Variants in PDE4D observed in about 807,000 individuals in gnomAD.
PDE4D encodes phosphodiesterase 4D, also known as 3',5'-cyclic-AMP phosphodiesterase 4D.
PDE4D carries 24 observed loss-of-function variants against 87.4 expected under a neutral mutation model. The ratio of observed to expected loss-of-function variants is 0.27; its 90% CI spans 0.20 to 0.39. PDE4D has a LOEUF of 0.39. Among genes scored for constraint, PDE4D ranks in the 10% least tolerant of loss-of-function variants. The pLI is 1.00. For synonymous variants in PDE4D, 384 were observed against 383.2 expected (o/e 1.00, Z -0.02); for missense variants, 714 against 1,041.0 (o/e 0.69, Z 4.32).
At chr5:60,191,178 T>C (rs762433134) in intron 1 of PDE4D, among the ~76,000 whole-genome samples, 11 of 152,206 alleles carry the variant, frequency 7.2e-5, no homozygotes, top group Non-Finnish European at 1.3e-4. Flanking sequence ...ACAAAAAGTA[T>C]GTTGTACCAC....
At chr5:60,297,913 A>G (rs1194282884) in intron 1 of PDE4D, among the ~76,000 whole-genome samples, 1 of 152,190 alleles carries the variant, frequency 6.6e-6, no homozygotes, top group Non-Finnish European at 1.5e-5. Flanking sequence ...TAGAAGACTC[A>G]TGTTTATGGA....
At chr5:59,899,483 A>T (rs1001358482) in intron 3 of PDE4D, among the ~76,000 whole-genome samples, 4 of 150,472 alleles carry the variant, frequency 2.7e-5, no homozygotes, top group African/African-American at 9.7e-5. Flanking sequence ...TTAAGTGGTA[A>T]ATATATATAT....
At chr5:59,051,958 C>CATT (rs10636912) in intron 5 of PDE4D, among the ~76,000 whole-genome samples, 90,319 of 151,666 alleles carry the variant, frequency 0.6, 27,297 homozygotes, top group East Asian at 0.86. Context: ...TTCTTTCTCT[C>CATT]TTTTTCCCCC....
chr5:60,113,008 A>T (rs557019465), intron 2 of PDE4D, among the ~76,000 whole-genome samples: 1 of 152,110 alleles, frequency 6.6e-6, no homozygotes, highest in East Asian at 1.9e-4. Flanking sequence ...ACGTACGTCA[A>T]CTTCATTTGA....
chr5:59,288,397 AAAGAG>A (rs997515597), intron 1 of PDE4D, among the ~76,000 whole-genome samples: 1 of 151,956 alleles, frequency 6.6e-6, no homozygotes, highest in African/African-American at 2.4e-5. Context: ...TTGAAAATAC[AAAGAG>A]AAGACAAAAG....
intron 1 of PDE4D, among the ~76,000 whole-genome samples, chr5:59,284,497 C>A (rs930531320): frequency 2.0e-5 from 3 of 151,918 alleles, no homozygotes; most frequent in African/African-American, 7.3e-5. Flanking sequence ...AAATGCAAAT[C>A]AAAACCACTA....
chr5:59,770,314 G>T (rs1763311393), intron 1 of PDE4D, among the ~76,000 whole-genome samples: 1 of 152,156 alleles, frequency 6.6e-6, no homozygotes, highest in Non-Finnish European at 1.5e-5. Context: ...GGTGTGCAAT[G>T]CTTGCCCTCA....
At chr5:59,108,617 G>A (rs535157128) in intron 5 of PDE4D, among the ~76,000 whole-genome samples, 99 of 152,176 alleles carry the variant, frequency 6.5e-4, no homozygotes, top group Middle Eastern at 3.2e-3. Flanking sequence ...ATATTGGCCA[G>A]GTGCGGTGGC....
chr5:59,116,640 G>C (rs957041068), intron 5 of PDE4D, among the ~76,000 whole-genome samples: 1 of 152,266 alleles, frequency 6.6e-6, no homozygotes, highest in Admixed American at 6.5e-5. Flanking sequence ...TGCTCTGCAC[G>C]TACTCCACGG....
At chr5:60,095,539 T>G (rs980334918) in intron 2 of PDE4D, among the ~76,000 whole-genome samples, 1 of 152,090 alleles carries the variant, frequency 6.6e-6, no homozygotes, top group African/African-American at 2.4e-5. Context: ...ATAGGAGAAT[T>G]GTTTATAATC....
At chr5:60,344,547 T>A (rs1301461639) in intron 1 of PDE4D, among the ~76,000 whole-genome samples, 1 of 152,152 alleles carries the variant, frequency 6.6e-6, no homozygotes, top group Non-Finnish European at 1.5e-5. Context: ...AAGTACTCTT[T>A]CCACAAAACA....
chr5:60,451,868 G>A (rs1035511908), intron 1 of PDE4D, among the ~76,000 whole-genome samples: 1 of 152,046 alleles, frequency 6.6e-6, no homozygotes, highest in African/African-American at 2.4e-5. Flanking sequence ...CCTGGATGAT[G>A]TTTTGCCAGG....
chr5:59,093,073 AG>A lies in PDE4D; in HGVS notation c.809-54103del, dbSNP rs1769030838. On this transcript the variant is annotated intron_variant, in intron 5 of 14. Coordinates refer to ENST00000340635, the MANE Select transcript of PDE4D (RefSeq NM_001104631.2). Reference sequence around the variant, plus strand: ...ATAAAGGAAACAAGATCAGCAAAGGAGAGATTTCTACTGATTTTTTGAAATC... The same window carrying A: ...ATAAAGGAAACAAGATCAGCAAAGGAAGATTTCTACTGATTTTTTGAAATC... Among the ~76,000 whole-genome samples the A allele has an allele frequency of 3.3e-5, 5 of 152,334 alleles. No individual in the cohort carries two copies. The South Asian group carries it at 1.0e-3, about 32-fold the overall frequency.
chr5:60,150,029 C>T (rs983509490), intron 2 of PDE4D, among the ~76,000 whole-genome samples: 3 of 144,622 alleles, frequency 2.1e-5, no homozygotes, highest in African/African-American at 7.6e-5. Flanking sequence ...TGTATATATA[C>T]ATACATATAG....
At chr5:59,131,185 A>G (rs1213089978) in intron 5 of PDE4D, among the ~76,000 whole-genome samples, 3 of 152,198 alleles carry the variant, frequency 2.0e-5, no homozygotes, top group Non-Finnish European at 4.4e-5. Context: ...TGAGTTGGTT[A>G]TATGCTCTCA....
chr5:59,342,862 A>G (rs1003873554), intron 1 of PDE4D, among the ~76,000 whole-genome samples: 36 of 152,316 alleles, frequency 2.4e-4, no homozygotes, highest in African/African-American at 8.4e-4. Context: ...GATGTTCTGA[A>G]ATACGTACAC....
At chr5:59,971,325 T>G (rs1760732516) in intron 3 of PDE4D, among the ~76,000 whole-genome samples, 1 of 145,966 alleles carries the variant, frequency 6.9e-6, no homozygotes, top group Non-Finnish European at 1.5e-5. Flanking sequence ...ACCTGCACAA[T>G]GTACACATGT....
chr5:59,654,553 A>T (rs1561413305), intron 1 of PDE4D, among the ~76,000 whole-genome samples: 1 of 152,226 alleles, frequency 6.6e-6, no homozygotes, highest in Non-Finnish European at 1.5e-5. Context: ...ACTACTTAGG[A>T]AAATTGTTCT....
rs1379060456 is a variant in PDE4D at position 58,988,569 on chromosome 5, A to C, written c.1476T>G (p.Ile492Met). The C allele has an allele frequency of 4.0e-6, 6 of 1,494,804 alleles. No homozygotes were observed. The highest frequency in any genetic ancestry group is 5.4e-6 in the Non-Finnish European group (6 of 1,112,458). 92.6% of individuals were successfully genotyped at this position (1,494,804 alleles called of 1,614,324 possible). The change falls in exon 11 of 15, where the codon ATT (isoleucine) becomes ATG (methionine). Residue 492 changes from isoleucine (I) to methionine (M), a missense_variant. By Grantham distance (10) the Ile-to-Met change is conservative (BLOSUM62 1). Transcript: ENST00000340635. The stretch of plus-strand genomic sequence containing the variant: ...TTGCACTGGCAAAAATTGCTGCAAG[A>C]ATCTCCAAATCTGTAAACACAGCCT... ...ALEAVFTDLE[I>M]LAAIFASAIH...
Sources: gnomAD v4.1 joint callset for allele counts (sites outside exome capture counted in the v4.1 genomes callset) on GRCh38, gnomAD v4.1.1 for gene constraint, MANE v1.5 for transcripts, NCBI Gene and HGNC (gene_info 2026-07-23, HGNC 2026-07-21) for gene names.